Variants in TMEM178B observed in about 807,000 individuals in gnomAD.
TMEM178B encodes transmembrane protein 178B.
A neutral mutation model predicts 31.0 loss-of-function variants in TMEM178B; 5 were observed. The ratio of observed to expected loss-of-function variants is 0.16; its 90% CI spans 0.08 to 0.34. TMEM178B has a LOEUF of 0.34. Among genes scored for constraint, TMEM178B ranks in the 10% least tolerant of loss-of-function variants. The probability of loss-of-function intolerance (pLI) is 1.00; values close to 1 mark genes in which losing one functional copy is unlikely to be tolerated. For missense variants in TMEM178B, 275 were observed against 400.3 expected (o/e 0.69, Z 2.67); for synonymous variants, 164 against 164.0 (o/e 1.00, Z 0.00).
intron 2 of TMEM178B, among the ~76,000 whole-genome samples, chr7:141,292,165 G>T (rs1798557722): frequency 6.6e-6 from 1 of 152,120 alleles, no homozygotes; most frequent in South Asian, 2.1e-4. Context: ...AATTTACCAA[G>T]AATTTACTTA....
intron 1 of TMEM178B, among the ~76,000 whole-genome samples, chr7:141,089,839 A>G (rs1297044623): frequency 6.6e-6 from 1 of 151,938 alleles, no homozygotes; most frequent in Admixed American, 6.6e-5. Context: ...GAAGGGGAAC[A>G]TCACACACCA....
chr7:141,320,467 A>G (rs1443464619), intron 2 of TMEM178B, among the ~76,000 whole-genome samples: 2 of 151,960 alleles, frequency 1.3e-5, no homozygotes, highest in Non-Finnish European at 2.9e-5. Flanking sequence ...ATGACTCAGG[A>G]TTTCTGAGCC....
At chr7:141,323,217 A>G (rs775177774) in intron 2 of TMEM178B, among the ~76,000 whole-genome samples, 31 of 152,226 alleles carry the variant, frequency 2.0e-4, no homozygotes, top group Non-Finnish European at 3.7e-4. Context: ...AGAAAATCCA[A>G]TGCAGAAGGA....
At chr7:141,437,867 C>T (rs544354438) in intron 3 of TMEM178B, 122 bp downstream of exon 3, 1 of 1,342,032 alleles carries the variant, frequency 7.5e-7, no homozygotes, top group African/African-American at 1.4e-5. Context: ...CTCATTCACT[C>T]ATCCATTGGT....
intron 1 of TMEM178B, among the ~76,000 whole-genome samples, chr7:141,187,377 T>C (rs953079892): frequency 6.6e-5 from 10 of 152,152 alleles, no homozygotes; most frequent in Admixed American, 3.9e-4. Context: ...GTCTTTGCTA[T>C]TATGAATAGT....
intron 2 of TMEM178B, among the ~76,000 whole-genome samples, chr7:141,384,731 A>C (rs904683861): frequency 6.6e-6 from 1 of 152,158 alleles, no homozygotes; most frequent in Non-Finnish European, 1.5e-5. Flanking sequence ...ACTTTAAAGT[A>C]GTTTTTTTCC....
intron 1 of TMEM178B, among the ~76,000 whole-genome samples, chr7:141,087,876 T>A (rs1739142452): frequency 6.6e-6 from 1 of 152,208 alleles, no homozygotes; most frequent in South Asian, 2.1e-4. Flanking sequence ...ACTCCATTTT[T>A]CAGTTTATAC....
chr7:141,092,492 G>T (rs969861617), intron 1 of TMEM178B, among the ~76,000 whole-genome samples: 1 of 152,110 alleles, frequency 6.6e-6, no homozygotes, highest in African/African-American at 2.4e-5. Context: ...TTCCAGTGGG[G>T]TAACAATTTC....
chr7:141,483,982 C>G (rs968075914), downstream of TMEM178B, among the ~76,000 whole-genome samples: 1 of 152,098 alleles, frequency 6.6e-6, no homozygotes, highest in Non-Finnish European at 1.5e-5. Flanking sequence ...GTGATCCACA[C>G]GTCTCGGCCT....
Position 141,410,093 on chromosome 7 carries a change from C to G in TMEM178B, c.497-27515C>G, listed in dbSNP as rs568991634. Among the ~76,000 whole-genome samples the G allele has an allele frequency of 1.0e-3, 158 of 152,336 alleles. 1 individual carries two copies. Among genetic ancestry groups the G allele is most frequent in the African/African-American group, 3.6e-3 (149 of 41,570 alleles). On this transcript the variant is annotated intron_variant, in intron 2 of 3. Coordinates refer to ENST00000565468, the MANE Select transcript of TMEM178B (RefSeq NM_001195278.2). ...CTCTGTGCCTGCCTTTTTATCTCAA[C>G]ATCCCCATCACCTGTTTCCTGGAAA...
At chr7:141,502,932 C>A in the TMEM178B span, among the ~76,000 whole-genome samples, 132 of 152,272 alleles carry the variant, frequency 8.7e-4, 3 homozygotes, top group Middle Eastern at 3.4e-3. Flanking sequence ...AAATTCATTT[C>A]TTTTTCCTCC....
chr7:141,321,669 A>AGGG (rs1451821971), intron 2 of TMEM178B, among the ~76,000 whole-genome samples: 1 of 152,150 alleles, frequency 6.6e-6, no homozygotes, highest in Non-Finnish European at 1.5e-5. Context: ...CCAAAGAAAG[A>AGGG]GGGGAGCTGC....
intron 2 of TMEM178B, among the ~76,000 whole-genome samples, chr7:141,406,222 G>A (rs1003261340): frequency 1.3e-5 from 2 of 152,100 alleles, no homozygotes. Context: ...TCCTTTCTTA[G>A]GAAGGTCCCT....
intron 1 of TMEM178B, among the ~76,000 whole-genome samples, chr7:141,175,921 C>A (rs1184187090): frequency 2.0e-5 from 3 of 152,164 alleles, no homozygotes; most frequent in Non-Finnish European, 4.4e-5. Context: ...CATTTGACTT[C>A]CTCTTTTCCT....
chr7:141,357,000 T>A (rs1453083332), intron 2 of TMEM178B, among the ~76,000 whole-genome samples: 1 of 152,190 alleles, frequency 6.6e-6, no homozygotes, highest in African/African-American at 2.4e-5. Flanking sequence ...TGCATTGTAA[T>A]TTGTTTTAAT....
Position 141,422,326 on chromosome 7 carries a change from G to A in TMEM178B, c.497-15282G>A, listed in dbSNP as rs1801227226. On this transcript the variant is annotated intron_variant, in intron 2 of 3. Transcript: ENST00000565468. The surrounding 1 kb of genome is among the most constrained non-coding windows in gnomAD (Gnocchi z 4.2). ...CTTTGGGAAAGCTTTGCAGGAATTG[G>A]TGTTGCACCATTGATTGTCTCCTGA... Among the ~76,000 whole-genome samples, 1 of 152,216 alleles carries A rather than the reference G, an allele frequency of 6.6e-6. No homozygotes were observed. The highest frequency in any genetic ancestry group is 2.4e-5 in the African/African-American group (1 of 41,460).
intron 1 of TMEM178B, among the ~76,000 whole-genome samples, chr7:141,146,576 T>C (rs1795855810): frequency 6.6e-6 from 1 of 152,086 alleles, no homozygotes; most frequent in South Asian, 2.1e-4. Flanking sequence ...ATTAAAAGAG[T>C]TAGTACAAGC....
At chr7:141,224,917 A>T (rs1372368951) in intron 2 of TMEM178B, among the ~76,000 whole-genome samples, 1 of 152,182 alleles carries the variant, frequency 6.6e-6, no homozygotes, top group Non-Finnish European at 1.5e-5. Context: ...CTGGAAGTGG[A>T]GTGACCTTGA....
chr7:141,225,763 C>T (rs4726431), intron 2 of TMEM178B, among the ~76,000 whole-genome samples: 83,258 of 151,978 alleles, frequency 0.55, 24,464 homozygotes, highest in East Asian at 0.8. Flanking sequence ...AACGTTCAGA[C>T]TTCTCTGTCC....
Sources: gnomAD v4.1 joint callset for allele counts (sites outside exome capture counted in the v4.1 genomes callset) on GRCh38, gnomAD v4.1.1 for gene constraint, Gnocchi (gnomAD v3.1) non-coding constraint, MANE v1.5 for transcripts, NCBI Gene and HGNC (gene_info 2026-07-23, HGNC 2026-07-21) for gene names.